The following MAD1L1 variants were observed in gnomAD, a reference collection of about 807,000 sequenced individuals.
The protein encoded by MAD1L1 is mitotic spindle assembly checkpoint protein MAD1.
A neutral mutation model predicts 96.9 loss-of-function variants in MAD1L1; 95 were observed. The ratio of observed to expected loss-of-function variants is 0.98; its 90% confidence interval spans 0.83 to 1.16. The LOEUF is 1.16. MAD1L1 is among the 50% of genes most tolerant of loss of function. The probability of loss-of-function intolerance (pLI) is 0.00; values close to 1 mark genes in which losing one functional copy is unlikely to be tolerated. For missense variants in MAD1L1, 1,007 were observed against 954.4 expected (o/e 1.06, Z -0.73); for synonymous variants, 473 against 396.6 (o/e 1.19, Z -2.29).
chr7:2,224,431 A>T (rs1342193681), intron 4 of MAD1L1, among the ~76,000 whole-genome samples: 1 of 152,098 alleles, frequency 6.6e-6, no homozygotes, highest in Non-Finnish European at 1.5e-5. Context: ...AACGGAGCCA[A>T]CCCTGAGGCA....
chr7:1,998,782 C>G (rs1248804571), intron 14 of MAD1L1, among the ~76,000 whole-genome samples: 1 of 148,802 alleles, frequency 6.7e-6, no homozygotes, highest in East Asian at 2.1e-4. Flanking sequence ...ACCCTGGCAT[C>G]CTTCCTGAAC....
chr7:1,886,308 G>A (rs980983151), intron 18 of MAD1L1, among the ~76,000 whole-genome samples: 61 of 152,324 alleles, frequency 4.0e-4, no homozygotes, highest in African/African-American at 1.2e-3. Flanking sequence ...TGGCAGATAT[G>A]CCCACTTATT....
intron 11 of MAD1L1, among the ~76,000 whole-genome samples, chr7:2,090,666 GC>G (rs1786162734): frequency 6.6e-6 from 1 of 152,208 alleles, no homozygotes; most frequent in South Asian, 2.1e-4. Context: ...AGCAGGACTG[GC>G]CCAGGCAGGC....
chr7:2,221,175 G>A (rs1793586479), intron 5 of MAD1L1, among the ~76,000 whole-genome samples: 1 of 151,716 alleles, frequency 6.6e-6, no homozygotes, highest in Non-Finnish European at 1.5e-5. Context: ...GCACCGCCCT[G>A]CGGCTCCTGC....
chr7:2,148,769 G>A lies in MAD1L1; in HGVS notation c.1073+383C>T, dbSNP rs1420524339. On this transcript the variant is annotated intron_variant, in intron 11 of 18. Coordinates refer to ENST00000265854, the MANE Select transcript of MAD1L1 (RefSeq NM_001013836.2). ...CAATCACGCCTGCATTCATGCTGACGTGAAGACTCAGGGTGGGCCCGCTAG... is the reference window on the plus strand; with the variant it reads ...CAATCACGCCTGCATTCATGCTGACATGAAGACTCAGGGTGGGCCCGCTAG... The A allele has an allele frequency of 3.1e-5, 8 of 255,052 alleles. No individual in the cohort carries two copies. In the South Asian group the frequency reaches 4.5e-4, roughly 15 times the overall value. 15.8% of individuals were successfully genotyped at this position (255,052 alleles called of 1,614,324 possible). A position where few individuals can be genotyped will look rare whatever the true frequency, so the allele number is the denominator to read the frequency against.
chr7:2,219,190 A>G (rs1008644663), intron 6 of MAD1L1, 142 bp downstream of exon 6: 3 of 804,154 alleles, frequency 3.7e-6, no homozygotes, highest in Non-Finnish European at 5.7e-6. Context: ...CAGAGGCCTC[A>G]GCATCTGCCC....
chr7:2,205,197 G>A (rs553409532), intron 10 of MAD1L1, among the ~76,000 whole-genome samples: 1 of 143,686 alleles, frequency 7.0e-6, no homozygotes, highest in Non-Finnish European at 1.5e-5. Flanking sequence ...ACCCGTCCTT[G>A]TTTGGAGATT....
chr7:1,971,891 C>T (rs1035765170), intron 15 of MAD1L1, among the ~76,000 whole-genome samples: 4 of 152,136 alleles, frequency 2.6e-5, no homozygotes, highest in African/African-American at 9.7e-5. Context: ...GAGGAGGGAG[C>T]GCTGGAACTG....
At chr7:2,068,886 G>T (rs1784999093) in intron 12 of MAD1L1, among the ~76,000 whole-genome samples, 1 of 152,172 alleles carries the variant, frequency 6.6e-6, no homozygotes, top group Non-Finnish European at 1.5e-5. Context: ...AAGGCACGTG[G>T]GAGCCTGCAG....
intron 12 of MAD1L1, among the ~76,000 whole-genome samples, chr7:2,017,076 C>T (rs1584092185): frequency 6.6e-6 from 1 of 152,214 alleles, no homozygotes; most frequent in Non-Finnish European, 1.5e-5. Context: ...CACTGGCTGG[C>T]ACAGAAGAAA....
chr7:2,020,048 G>A (rs1782716104), intron 12 of MAD1L1, among the ~76,000 whole-genome samples: 1 of 152,236 alleles, frequency 6.6e-6, no homozygotes, highest in Non-Finnish European at 1.5e-5. Flanking sequence ...GGCAGGCACA[G>A]GGCTGAGGGA....
intron 18 of MAD1L1, among the ~76,000 whole-genome samples, chr7:1,820,986 C>T (rs1297390537): frequency 6.9e-6 from 1 of 145,100 alleles, no homozygotes; most frequent in East Asian, 2.1e-4. Context: ...GAGGCTGAGG[C>T]AGGAGAATGG....
At chr7:2,014,371 G>A in intron 13 of MAD1L1, 131 bp downstream of exon 13, 12 of 1,255,070 alleles carry the variant, frequency 9.6e-6, no homozygotes, top group Non-Finnish European at 1.3e-5. Flanking sequence ...CACCCTCCCT[G>A]ACAGACACCT....
chr7:1,932,022 C>T (rs757816239), intron 17 of MAD1L1, among the ~76,000 whole-genome samples: 98 of 152,244 alleles, frequency 6.4e-4, no homozygotes, highest in African/African-American at 2.3e-3. Context: ...TGGGGACCAA[C>T]GTCCATGGCA....
intron 18 of MAD1L1, among the ~76,000 whole-genome samples, chr7:1,823,903 C>T (rs560408812): frequency 1.3e-5 from 2 of 152,324 alleles, no homozygotes; most frequent in South Asian, 2.1e-4. Flanking sequence ...GCCCAATCCT[C>T]CTGTCATTGG....
intron 10 of MAD1L1, among the ~76,000 whole-genome samples, chr7:2,212,866 G>A (rs1793050713): frequency 6.6e-6 from 1 of 152,296 alleles, no homozygotes; most frequent in Admixed American, 6.5e-5. Flanking sequence ...TCCCTAAAAT[G>A]AATGATTTCC....
At chr7:1,888,541 CGTGTGT>C (rs10593378) in intron 18 of MAD1L1, among the ~76,000 whole-genome samples, 9 of 141,718 alleles carry the variant, frequency 6.4e-5, no homozygotes, top group Admixed American at 1.4e-4. Context: ...GTTGCCTGTG[CGTGTGT>C]GTGAGCATGC....
At chr7:1,988,844 G>A (rs982929474) in intron 14 of MAD1L1, among the ~76,000 whole-genome samples, 1 of 152,206 alleles carries the variant, frequency 6.6e-6, no homozygotes, top group African/African-American at 2.4e-5. Flanking sequence ...CAAACCCTGT[G>A]CCCGCACCAG....
At chr7:2,152,143 G>A (rs1162553892) in intron 10 of MAD1L1, among the ~76,000 whole-genome samples, 1 of 152,234 alleles carries the variant, frequency 6.6e-6, no homozygotes, top group Admixed American at 6.5e-5. Flanking sequence ...GAGGCGGATG[G>A]TCCCACACAG....
Sources: gnomAD v4.1 joint callset for allele counts (sites outside exome capture counted in the v4.1 genomes callset) on GRCh38, gnomAD v4.1.1 for gene constraint, MANE v1.5 for transcripts, NCBI Gene and HGNC (gene_info 2026-07-23, HGNC 2026-07-21) for gene names.